Variants in CACNA2D3 observed in about 807,000 individuals in gnomAD.
The protein encoded by CACNA2D3 is calcium voltage-gated channel auxiliary subunit alpha2delta 3.
CACNA2D3 carries 60 observed loss-of-function variants against 160.6 expected under a neutral mutation model. The ratio of observed to expected loss-of-function variants is 0.37; its 90% CI spans 0.30 to 0.46. The LOEUF is 0.46. Ranked by LOEUF, CACNA2D3 falls within the 20% of genes least tolerant of loss-of-function variation. The pLI is 1.00. For synonymous variants in CACNA2D3, 558 were observed against 492.9 expected, an observed-to-expected ratio of 1.13 and a Z score of -1.75; for missense variants, 1,205 against 1,365.0, an observed-to-expected ratio of 0.88 and a Z score of 1.85.
intron 3 of CACNA2D3, chr3:54,367,528 G>A (rs1698847258): frequency 6.7e-6 from 2 of 296,644 alleles, no homozygotes; most frequent in Non-Finnish European, 1.4e-5. Context: ...TTCAGAGAGA[G>A]TGCAGGGCTC....
At chr3:54,357,220 T>C (rs1327158075) in intron 3 of CACNA2D3, among the ~76,000 whole-genome samples, 1 of 152,214 alleles carries the variant, frequency 6.6e-6, no homozygotes, top group African/African-American at 2.4e-5. Context: ...AATGCATATC[T>C]ATTAAATGAA....
intron 2 of CACNA2D3, among the ~76,000 whole-genome samples, chr3:54,191,244 C>G (rs1018193659): frequency 2.0e-5 from 3 of 152,012 alleles, no homozygotes; most frequent in African/African-American, 7.3e-5. Context: ...GTGGAGTGGT[C>G]TCAACAAGCA....
chr3:54,468,319 A>G (rs528571246), intron 4 of CACNA2D3, among the ~76,000 whole-genome samples: 1 of 152,338 alleles, frequency 6.6e-6, no homozygotes, highest in South Asian at 2.1e-4. Flanking sequence ...TCACCTGGGA[A>G]GTGCAAGGGG....
intron 3 of CACNA2D3, among the ~76,000 whole-genome samples, chr3:54,327,899 ATGT>A (rs1238289299): frequency 1.3e-5 from 2 of 152,222 alleles, no homozygotes; most frequent in African/African-American, 2.4e-5. Flanking sequence ...AAAAGATTAC[ATGT>A]TGTGGACATG....
intron 25 of CACNA2D3, chr3:54,894,631 CCTT>C (rs747410282): frequency 1.9e-6 from 1 of 515,268 alleles, no homozygotes; most frequent in Non-Finnish European, 3.9e-6. Flanking sequence ...AGTGCGAACA[CCTT>C]CTGCTCAGTC....
intron 27 of CACNA2D3, among the ~76,000 whole-genome samples, chr3:54,929,811 C>T (rs1429149024): frequency 6.6e-6 from 1 of 152,064 alleles, no homozygotes; most frequent in African/African-American, 2.4e-5. Flanking sequence ...CAATAATTTC[C>T]ATTATTAATG....
At chr3:54,877,250 CT>C (rs1290475751) in intron 18 of CACNA2D3, 2 of 152,180 alleles carry the variant, frequency 1.3e-5, no homozygotes, top group Admixed American at 6.5e-5. Context: ...GCTTGGGCAT[CT>C]GCCTCAAGCA....
intron 11 of CACNA2D3, among the ~76,000 whole-genome samples, chr3:54,651,818 C>A (rs1439984077): frequency 6.6e-6 from 1 of 152,072 alleles, no homozygotes; most frequent in African/African-American, 2.4e-5. Flanking sequence ...TCAGGAATCC[C>A]CTCTTCTCCT....
chr3:54,141,060 C>CGTGTGT (rs1308149739), intron 2 of CACNA2D3, among the ~76,000 whole-genome samples: 1 of 41,284 alleles, frequency 2.4e-5, no homozygotes, highest in African/African-American at 1.4e-4. Context: ...GCAGGTGAAA[C>CGTGTGT]CTGTGTGTGT....
At chr3:54,444,724 C>T (rs962525348) in intron 4 of CACNA2D3, among the ~76,000 whole-genome samples, 2 of 152,168 alleles carry the variant, frequency 1.3e-5, no homozygotes, top group Admixed American at 1.3e-4. Context: ...AATGGTTAGT[C>T]TGAATTTTGA....
At chr3:54,415,253 C>T (rs919958982) in intron 4 of CACNA2D3, among the ~76,000 whole-genome samples, 8 of 152,008 alleles carry the variant, frequency 5.3e-5, no homozygotes, top group Non-Finnish European at 8.8e-5. Context: ...AGGGGAATGC[C>T]CTTAGGTTGT....
chr3:54,883,257 C>T (rs1699843841), intron 21 of CACNA2D3, among the ~76,000 whole-genome samples: 1 of 152,158 alleles, frequency 6.6e-6, no homozygotes, highest in African/African-American at 2.4e-5. Context: ...CTCCTGACCT[C>T]GTTATCTGCC....
At position 54,436,502 on chromosome 3, in the gene CACNA2D3, A is replaced by C. The variant is rs573368505; in HGVS notation, c.381+49728A>C. ...ACATATGTTTATTGCAGCACTATTT[A>C]CAATAGCAAAGACGTGGAACCAACC... On this transcript the variant is annotated intron_variant, in intron 4 of 37. Transcript: ENST00000474759. 2.0e-5 allele frequency among the ~76,000 whole-genome samples: 3 copies of C among 152,360 alleles called. No homozygotes were observed. In the East Asian group the frequency reaches 5.8e-4, roughly 29 times the overall value.
intron 5 of CACNA2D3, among the ~76,000 whole-genome samples, chr3:54,548,363 A>G (rs1354138613): frequency 6.6e-6 from 1 of 152,224 alleles, no homozygotes; most frequent in East Asian, 1.9e-4. Flanking sequence ...AACTGCTAAA[A>G]TCTTTAAAAG....
rs1213054854 is a variant in CACNA2D3 at position 54,984,726 on chromosome 3, A to AG, written c.2619+61dup. 4 of 1,050,848 alleles carry AG rather than the reference A, an allele frequency of 3.8e-6. No individual in the cohort carries two copies. The African/African-American group carries it at 6.5e-5, about 17-fold the overall frequency. 65.1% of individuals were successfully genotyped at this position (1,050,848 alleles called of 1,614,324 possible). A position where few individuals can be genotyped will look rare whatever the true frequency, so the allele number is the denominator to read the frequency against. On this transcript the variant is annotated intron_variant, in intron 30 of 37. Transcript: ENST00000474759. ...AAGGATCTCAGAATGTGCTTGGGTCAGGGGGAACAAATTATGGTGTTAAAA... is the reference window on the plus strand; with the variant it reads ...AAGGATCTCAGAATGTGCTTGGGTCAGGGGGGAACAAATTATGGTGTTAAAA...
chr3:54,789,562 G>A (rs2106642945), intron 13 of CACNA2D3, among the ~76,000 whole-genome samples: 1 of 152,236 alleles, frequency 6.6e-6, no homozygotes, highest in Non-Finnish European at 1.5e-5. Flanking sequence ...AAGTAGGCTG[G>A]GAAAATCCAT....
chr3:54,505,088 G>C (rs75810732), intron 5 of CACNA2D3, among the ~76,000 whole-genome samples: 1 of 152,096 alleles, frequency 6.6e-6, no homozygotes, highest in African/African-American at 2.4e-5. Flanking sequence ...TTGGATATTA[G>C]GTATAGTTGG....
At chr3:54,776,341 C>T (rs964098887) in intron 13 of CACNA2D3, among the ~76,000 whole-genome samples, 2 of 152,020 alleles carry the variant, frequency 1.3e-5, no homozygotes, top group Admixed American at 6.6e-5. Flanking sequence ...GACCCCCTGT[C>T]GCTACAAAAA....
intron 8 of CACNA2D3, among the ~76,000 whole-genome samples, chr3:54,571,143 A>G (rs9847236): frequency 0.37 from 56,224 of 151,926 alleles, 11,468 homozygotes; most frequent in Middle Eastern, 0.48. Context: ...CTGGTTGACA[A>G]TTGGTTGAGT....
Sources: allele counts gnomAD v4.1 joint callset (sites outside exome capture counted in the v4.1 genomes callset), GRCh38; gene constraint gnomAD v4.1.1; transcripts MANE v1.5; gene names NCBI Gene and HGNC (gene_info 2026-07-23, HGNC 2026-07-21).